PIK3CD: variants seen among roughly 807,000 people sequenced by gnomAD.
The protein encoded by PIK3CD is phosphatidylinositol-4,5-bisphosphate 3-kinase catalytic subunit delta.
A neutral mutation model predicts 122.9 loss-of-function variants in PIK3CD; 20 were observed. That is an observed-to-expected ratio of 0.16 (90% CI 0.11 to 0.24). The LOEUF (loss-of-function observed/expected upper bound fraction) is 0.24. Ranked by LOEUF, PIK3CD falls within the 10% of genes least tolerant of loss-of-function variation. The pLI is 1.00. For synonymous variants in PIK3CD, 596 were observed against 593.4 expected, an observed-to-expected ratio of 1.00 and a Z score of -0.06; for missense variants, 787 against 1,406.3, an observed-to-expected ratio of 0.56 and a Z score of 7.04.
chr1:9,710,228 C>T lies in PIK3CD; in HGVS notation c.-32-196C>T. 1.7e-6 allele frequency: 1 copy of T among 575,350 alleles called. No homozygotes were observed. Among genetic ancestry groups the T allele is most frequent in the Non-Finnish European group, 3.2e-6 (1 of 316,886 alleles). The allele number at this position is 575,350 out of a possible 1,614,324, so 35.6% of individuals were successfully genotyped here. On this transcript the variant is annotated intron_variant, in intron 2 of 23. Transcript: ENST00000377346. The surrounding 1 kb of genome is among the most constrained non-coding windows in gnomAD (Gnocchi z 4.7). ...GAGAAGAGGCAGCTGAGGCCGTGGC[C>T]CGGAGTAGTAGGAGCCACAAGCCAC...
At chr1:9,671,666 G>T (rs1423606437) in intron 1 of PIK3CD, among the ~76,000 whole-genome samples, 1 of 151,934 alleles carries the variant, frequency 6.6e-6, no homozygotes, top group Non-Finnish European at 1.5e-5. Flanking sequence ...GGCTGCTCTT[G>T]AATTCCTGGA....
intron 1 of PIK3CD, among the ~76,000 whole-genome samples, chr1:9,688,988 C>T (rs547910000): frequency 4.7e-4 from 71 of 152,292 alleles, no homozygotes; most frequent in Non-Finnish European, 7.2e-4. Flanking sequence ...TATAAGGGAA[C>T]CCCCGATGGA....
Position 9,722,307 on chromosome 1 carries a change from G to C in PIK3CD, c.2298G>C (p.Glu766Asp). ...MKPLWIMYSN[E>D]EAGSGGSVGI... ...CCCTGTGGATCATGTACAGCAACGAGGAGGCAGGCAGCGGCGGCAGCGTGG... is the reference window on the plus strand; with the variant it reads ...CCCTGTGGATCATGTACAGCAACGACGAGGCAGGCAGCGGCGGCAGCGTGG... The change falls in exon 18 of 24, where the codon GAG becomes GAC. Residue 766 changes from glutamate (E) to aspartate (D), a missense_variant. Glu to Asp is a conservative substitution (Grantham distance 45). Transcript: ENST00000377346. This position sits in a 1 kb window ranked among gnomAD's most constrained non-coding sequence, Gnocchi z 7.6. The C allele has an allele frequency of 6.2e-7, 1 of 1,613,774 alleles. No homozygotes were observed. Among genetic ancestry groups the C allele is most frequent in the Non-Finnish European group, 8.5e-7 (1 of 1,179,936 alleles).
At chr1:9,721,724 C>T in intron 15 of PIK3CD, 37 bp from the exon 16 acceptor site, 1 of 1,608,756 alleles carries the variant, frequency 6.2e-7, no homozygotes, top group Non-Finnish European at 8.5e-7. Context: ...CTGCGTGGTG[C>T]TGCCTGGTGA....
intron 2 of PIK3CD, among the ~76,000 whole-genome samples, chr1:9,705,101 A>G (rs944828143): frequency 1.3e-5 from 2 of 152,176 alleles, no homozygotes; most frequent in African/African-American, 2.4e-5. Flanking sequence ...TAAGTAGAGA[A>G]GTCTTTGCTT....
intron 1 of PIK3CD, among the ~76,000 whole-genome samples, chr1:9,668,455 T>TG (rs1442836059): frequency 6.6e-6 from 1 of 151,426 alleles, no homozygotes; most frequent in Non-Finnish European, 1.5e-5. Flanking sequence ...TTTTTTTTTT[T>TG]GGTTTGGCAA....
chr1:9,631,587 C>T, the PIK3CD span, among the ~76,000 whole-genome samples: 3 of 151,956 alleles, frequency 2.0e-5, no homozygotes, highest in African/African-American at 4.8e-5. Flanking sequence ...ACCCTGGATG[C>T]GGTGGTTGCA....
intron 1 of PIK3CD, among the ~76,000 whole-genome samples, chr1:9,675,595 G>A (rs1019529342): frequency 4.6e-5 from 7 of 151,912 alleles, no homozygotes; most frequent in Admixed American, 6.6e-5. Flanking sequence ...GGTTGGGGGA[G>A]GGGAGTCCAG....
At chr1:9,644,524 T>TAAAA in the PIK3CD span, among the ~76,000 whole-genome samples, 2 of 147,048 alleles carry the variant, frequency 1.4e-5, no homozygotes, top group Admixed American at 1.4e-4. Context: ...CTCAAATAAA[T>TAAAA]AAATAAATAA....
At chr1:9,725,706 G>A (rs1424459204) in intron 23 of PIK3CD, among the ~76,000 whole-genome samples, 1 of 150,918 alleles carries the variant, frequency 6.6e-6, no homozygotes, top group East Asian at 2.0e-4. Flanking sequence ...GTGAAACCCT[G>A]TCTCTACTAA....
chr1:9,650,919 C>T (rs977375771), upstream of PIK3CD, among the ~76,000 whole-genome samples: 4 of 152,190 alleles, frequency 2.6e-5, no homozygotes, highest in African/African-American at 4.8e-5. Flanking sequence ...TCATGGATCA[C>T]TGCAGCCTCC....
chr1:9,706,381 C>CA lies in PIK3CD; in HGVS notation c.-32-4042dup, dbSNP rs200255225. Among the ~76,000 whole-genome samples, 804 of 151,582 alleles carry CA rather than the reference C, an allele frequency of 5.3e-3. 18 individuals carry two copies. The highest frequency in any genetic ancestry group is 0.044 in the East Asian group (226 of 5,156). On this transcript the variant is annotated intron_variant, in intron 2 of 23. Coordinates refer to ENST00000377346, the MANE Select transcript of PIK3CD (RefSeq NM_005026.5). ...GGTGGCACAAGCCTGTAGTCTCAGC[C>CA]ACTCAGGAGGCTGAGGCTGGAGGAT...
chr1:9,720,929 TG>T lies in PIK3CD; in HGVS notation c.1689+25del. On this transcript the variant is annotated intron_variant, in intron 13 of 23. Coordinates refer to ENST00000377346, the MANE Select transcript of PIK3CD (RefSeq NM_005026.5). This position sits in a 1 kb window ranked among gnomAD's most constrained non-coding sequence, Gnocchi z 9.0. ...GCCCAGGTGGGTGGGGAGGCGCACC[TG>T]GGGGCGGAGCTGGGGGCAGACCACA... 6.4e-7 allele frequency: 1 copy of T among 1,565,346 alleles called. No homozygotes were observed.
intron 2 of PIK3CD, among the ~76,000 whole-genome samples, chr1:9,699,451 C>T (rs1646543353): frequency 6.6e-6 from 1 of 152,176 alleles, no homozygotes; most frequent in African/African-American, 2.4e-5. Context: ...TTAAAACCCT[C>T]CAGTGATTTC....
chr1:9,710,891 T>G lies in PIK3CD; in HGVS notation c.141+295T>G, dbSNP rs1019729523. ...ACCTCCAACTCCCGGGTTCAAGAGA[T>G]TCTTCCGCCTCAGCCTCCTGAGTAG... is the stretch of plus-strand genomic sequence containing the variant. On this transcript the variant is annotated intron_variant, in intron 3 of 23. Transcript: ENST00000377346. The surrounding 1 kb of genome is among the most constrained non-coding windows in gnomAD (Gnocchi z 4.7). Among the ~76,000 whole-genome samples, 7 of 152,140 alleles carry G rather than the reference T, an allele frequency of 4.6e-5. No homozygotes were observed. Among genetic ancestry groups the G allele is most frequent in the African/African-American group, 1.4e-4 (6 of 41,442 alleles).
Position 9,717,750 on chromosome 1 carries a change from C to T in PIK3CD, c.1020+124C>T. 1 of 893,840 alleles carries T rather than the reference C, an allele frequency of 1.1e-6. No homozygotes were observed. Among genetic ancestry groups the T allele is most frequent in the Non-Finnish European group, 1.8e-6 (1 of 554,688 alleles). 55.4% of individuals were successfully genotyped at this position (893,840 alleles called of 1,614,324 possible). A position where few individuals can be genotyped will look rare whatever the true frequency, so the allele number is the denominator to read the frequency against. ...AAAGCCACCTGACCACATTACCCAG[C>T]ATCCCTGCCTGGGGCGCTGTGAGCG... is the stretch of plus-strand genomic sequence containing the variant. On this transcript the variant is annotated intron_variant, in intron 8 of 23. Coordinates refer to ENST00000377346, the MANE Select transcript of PIK3CD (RefSeq NM_005026.5). The surrounding 1 kb of genome is among the most constrained non-coding windows in gnomAD (Gnocchi z 5.4).
chr1:9,643,358 A>C, the PIK3CD span, among the ~76,000 whole-genome samples: 80 of 149,950 alleles, frequency 5.3e-4, no homozygotes, highest in African/African-American at 1.9e-3. Flanking sequence ...CAGTAAGCTA[A>C]GATCACGCAA....
At chr1:9,637,492 G>T in the PIK3CD span, among the ~76,000 whole-genome samples, 3 of 152,080 alleles carry the variant, frequency 2.0e-5, no homozygotes, top group Non-Finnish European at 4.4e-5. Context: ...CTCCAGCCTG[G>T]GTGACAGAGC....
At chr1:9,694,251 G>A (rs1469303051) in intron 2 of PIK3CD, among the ~76,000 whole-genome samples, 2 of 152,216 alleles carry the variant, frequency 1.3e-5, no homozygotes, top group Non-Finnish European at 2.9e-5. Flanking sequence ...CCAGCTTGTT[G>A]CTAGGCACGG....
Sources: allele counts gnomAD v4.1 joint callset (sites outside exome capture counted in the v4.1 genomes callset), GRCh38; gene constraint gnomAD v4.1.1; non-coding constraint Gnocchi (gnomAD v3.1); transcripts MANE v1.5; gene names NCBI Gene and HGNC (gene_info 2026-07-23, HGNC 2026-07-21).